The following SLC25A29 variants were observed in gnomAD, a reference collection of about 807,000 sequenced individuals.
SLC25A29 encodes mitochondrial basic amino acids transporter.
A neutral mutation model predicts 10.0 loss-of-function variants in SLC25A29; 13 were observed. The observed-to-expected ratio is 1.30, with a 90% CI of 0.85 to 2.07. SLC25A29 has a LOEUF of 2.07. Ranked by LOEUF, SLC25A29 falls within the 30% of genes most tolerant of loss-of-function variation. The pLI is 0.00. For synonymous variants in SLC25A29, 244 were observed against 221.1 expected (o/e 1.10, Z -0.92); for missense variants, 475 against 447.6 (o/e 1.06, Z -0.55).
At chr14:100,293,559 C>T in intron 2 of SLC25A29, 182 bp from the exon 3 acceptor site, 1 of 598,684 alleles carries the variant, frequency 1.7e-6, no homozygotes, top group East Asian at 2.8e-5. Context: ...GGATGGGGTG[C>T]CAGTAGGCAA....
At chr14:100,303,644 C>T (rs1173941716) in intron 1 of SLC25A29, among the ~76,000 whole-genome samples, 1 of 152,208 alleles carries the variant, frequency 6.6e-6, no homozygotes, top group Non-Finnish European at 1.5e-5. Flanking sequence ...GAGGAGCCTC[C>T]TCACCACCTT....
At chr14:100,294,896 G>A (rs1344954520) in intron 2 of SLC25A29, 1 of 152,192 alleles carries the variant, frequency 6.6e-6, no homozygotes, top group Non-Finnish European at 1.5e-5. Context: ...CCACCCTGGA[G>A]GCCCAGTTCT....
rs1227473060 is a variant in SLC25A29, at chr14:100,293,276, C to T, written c.162+18G>A. On this transcript the variant is annotated intron_variant, in intron 3 of 3. Transcript: ENST00000359232. The stretch of plus-strand genomic sequence containing the variant: ...CCCATCCTGTGCCTCCCGAGCCCCA[C>T]CAGCCCAGGCCACTCACGCTCTCTT... The T allele has an allele frequency of 6.2e-7, 1 of 1,612,122 alleles. No individual in the cohort carries two copies.
chr14:100,298,623 T>A (rs1892330491), intron 2 of SLC25A29: 1 of 616,466 alleles, frequency 1.6e-6, no homozygotes, highest in African/African-American at 1.8e-5. Context: ...CGGTTCCAGC[T>A]GGCCAAGCCC....
the SLC25A29 span, chr14:100,281,281 A>G: frequency 6.6e-6 from 1 of 152,054 alleles, no homozygotes; most frequent in African/African-American, 2.4e-5. Flanking sequence ...CAGCAAGAGT[A>G]AGGATCCCAG....
chr14:100,279,652 T>C, the SLC25A29 span: 1 of 152,268 alleles, frequency 6.6e-6, no homozygotes, highest in Non-Finnish European at 1.5e-5. Context: ...GTTCTTTGAC[T>C]TGGACCTGGG....
At position 100,292,937 on chromosome 14, in the gene SLC25A29, G is replaced by T. The variant is rs186898968; in HGVS notation, c.258C>A (p.Ala86=). The part of the protein sequence containing the change: ...VFGVQGNTLR[A]LGHDSPLNQF... Reference sequence around the variant, plus strand: ...GGTTGAGGGGCGAGTCGTGGCCCAGGGCCCGGAGGGTGTTGCCCTGCACCC... The same window carrying T: ...GGTTGAGGGGCGAGTCGTGGCCCAGTGCCCGGAGGGTGTTGCCCTGCACCC... Residue 86 remains alanine, a synonymous_variant, in exon 4 of 4, where the codon GCC becomes GCA. Coordinates refer to ENST00000359232, the MANE Select transcript of SLC25A29 (RefSeq NM_001039355.3). 15 of 1,607,052 alleles carry T rather than the reference G, an allele frequency of 9.3e-6. No homozygotes were observed. The African/African-American group carries it at 2.0e-4, about 21-fold the overall frequency.
chr14:100,279,956 T>G, the SLC25A29 span: 1 of 152,358 alleles, frequency 6.6e-6, no homozygotes. Flanking sequence ...GGGGGTGCCT[T>G]TGGTCATCTC....
chr14:100,287,858 C>A (rs1891576736), downstream of SLC25A29, among the ~76,000 whole-genome samples: 1 of 152,140 alleles, frequency 6.6e-6, no homozygotes, highest in African/African-American at 2.4e-5. Flanking sequence ...CTGCAAATGA[C>A]AGGAATAGTG....
chr14:100,293,183 C>G (rs1891887686), intron 3 of SLC25A29, 111 bp downstream of exon 3: 1 of 1,470,474 alleles, frequency 6.8e-7, no homozygotes, highest in Non-Finnish European at 9.2e-7. Flanking sequence ...TGACTGGCCT[C>G]CTGGTCGTCC....
rs1891824815 is a variant in SLC25A29 at position 100,292,717 on chromosome 14, G to A, written c.478C>T (p.Arg160Cys). The A allele has an allele frequency of 6.2e-7, 1 of 1,602,040 alleles. No homozygotes were observed. Among genetic ancestry groups the A allele is most frequent in the Non-Finnish European group, 8.5e-7 (1 of 1,175,442 alleles). Residue 160 changes from arginine (R) to cysteine (C), a missense_variant, in exon 4 of 4, where the codon CGT becomes TGT. Arg to Cys is a radical substitution (Grantham distance 180, BLOSUM62 -3). Coordinates refer to ENST00000359232, the MANE Select transcript of SLC25A29 (RefSeq NM_001039355.3). The part of the protein sequence containing the change: ...VNRGMVSTLL[R>C]ETPSFGVYFL... ...TAGACGCCGAAGCTGGGCGTCTCAC[G>A]CAGCAACGTGGACACCATGCCCCGG...
intron 2 of SLC25A29, chr14:100,293,581 G>T: frequency 1.7e-6 from 1 of 587,640 alleles, no homozygotes; most frequent in Non-Finnish European, 3.0e-6. Flanking sequence ...CAGCTAAAGG[G>T]ACAGGCTGCT....
chr14:100,305,200 G>A (rs1470272722), intron 1 of SLC25A29: 3 of 64,512 alleles, frequency 4.7e-5, no homozygotes, highest in East Asian at 8.6e-4. Flanking sequence ...AGGCTCCGAC[G>A]CCACAGATTT....
the SLC25A29 span, among the ~76,000 whole-genome samples, chr14:100,283,390 C>G: frequency 6.6e-6 from 1 of 151,972 alleles, no homozygotes; most frequent in Non-Finnish European, 1.5e-5. Flanking sequence ...AAGCCCAGAA[C>G]TGCTGAGTGA....
chr14:100,299,312 C>T (rs1892386278), intron 1 of SLC25A29: 1 of 1,027,608 alleles, frequency 9.7e-7, no homozygotes, highest in South Asian at 3.5e-5. Context: ...TGAATTTTCC[C>T]CCTGCCGCTC....
At position 100,306,418 on chromosome 14, in the gene SLC25A29, T is replaced by G. The variant is rs1892960643; in HGVS notation, c.-186A>C. On this transcript the variant is annotated 5_prime_UTR_variant, in exon 1 of 4. Coordinates refer to ENST00000359232, the MANE Select transcript of SLC25A29 (RefSeq NM_001039355.3). ...ATGGCGGCAGCAGCTAGACCCGCGC[T>G]GGTCCCTCGGCGGCAGCTGACTCGC... 2.3e-5 allele frequency: 10 copies of G among 428,166 alleles called. No homozygotes were observed. The highest frequency in any genetic ancestry group is 4.1e-5 in the African/African-American group (2 of 48,348). 26.5% of individuals were successfully genotyped at this position (428,166 alleles called of 1,614,324 possible).
chr14:100,297,356 A>G (rs568727359), intron 2 of SLC25A29, among the ~76,000 whole-genome samples: 1 of 152,270 alleles, frequency 6.6e-6, no homozygotes, highest in East Asian at 1.9e-4. Context: ...AGAGCACCAG[A>G]ACGAAAGTGC....
At chr14:100,296,809 A>G (rs185531419) in intron 2 of SLC25A29, among the ~76,000 whole-genome samples, 8 of 152,242 alleles carry the variant, frequency 5.3e-5, no homozygotes, top group Non-Finnish European at 1.0e-4. Flanking sequence ...CGTGTTAGCC[A>G]GGATGGTCTT....
At position 100,292,365 on chromosome 14, in the gene SLC25A29, C is replaced by A. The variant is rs780918285; in HGVS notation, c.830G>T (p.Arg277Leu). The A allele has an allele frequency of 9.2e-6, 14 of 1,514,574 alleles. No homozygotes were observed. The highest frequency in any genetic ancestry group is 1.2e-5 in the Non-Finnish European group (14 of 1,137,310). 93.8% of individuals were successfully genotyped at this position (1,514,574 alleles called of 1,614,324 possible). A position where few individuals can be genotyped will look rare whatever the true frequency, so the allele number is the denominator to read the frequency against. Residue 277 changes from arginine (R) to leucine (L), a missense_variant, in exon 4 of 4, where the codon CGC becomes CTC. Transcript: ENST00000359232. ...GCCCTCGGGCCCGGCCTCCTCGCCG[C>A]GCGCGTAGGTGAGCACCACCGTGAC... is the stretch of plus-strand genomic sequence containing the variant. Reference protein sequence around the residue: ...ATVTVVLTYARGEEAGPEGEA... With the variant: ...ATVTVVLTYALGEEAGPEGEA...
Sources: gnomAD v4.1 joint callset for allele counts (sites outside exome capture counted in the v4.1 genomes callset) on GRCh38, gnomAD v4.1.1 for gene constraint, MANE v1.5 for transcripts, NCBI Gene and HGNC (gene_info 2026-07-23, HGNC 2026-07-21) for gene names.